CNTN4: variants seen among roughly 807,000 people sequenced by gnomAD.
CNTN4 encodes contactin-4.
In CNTN4, 77 loss-of-function variants were observed where a neutral mutation model predicts 122.5. That is an observed-to-expected ratio of 0.63 (90% confidence interval 0.52 to 0.76). The LOEUF is 0.76. Ranked by LOEUF, CNTN4 falls within the 30% of genes least tolerant of loss-of-function variation. CNTN4 has a pLI of 0.00. For missense variants in CNTN4, 1,256 were observed against 1,259.1 expected (o/e 1.00, Z 0.04); for synonymous variants, 512 against 447.0 (o/e 1.15, Z -1.83).
At chr3:2,699,716 A>T (rs1269768361) in intron 4 of CNTN4, among the ~76,000 whole-genome samples, 1 of 152,198 alleles carries the variant, frequency 6.6e-6, no homozygotes, top group East Asian at 1.9e-4. Context: ...CAATATGTGA[A>T]TTCAGTGGTT....
intron 2 of CNTN4, among the ~76,000 whole-genome samples, chr3:2,125,674 C>G (rs2034101166): frequency 6.6e-6 from 1 of 151,482 alleles, no homozygotes; most frequent in Admixed American, 6.6e-5. Context: ...TCTACTGCCT[C>G]AGCCTCCTGA....
Position 2,763,757 on chromosome 3 carries a change from G to T in CNTN4, c.358+18060G>T, listed in dbSNP as rs1027297713. 5.9e-5 allele frequency among the ~76,000 whole-genome samples: 9 copies of T among 152,218 alleles called. No homozygotes were observed. In the South Asian group the frequency reaches 8.3e-4, roughly 14 times the overall value. On this transcript the variant is annotated intron_variant, in intron 6 of 24. Transcript: ENST00000418658. ...ATAAGGAATCCTTTCCCCGTTGTTT[G>T]GTTTTGTCAGGTTTGTTGAAGGTGA...
At chr3:2,946,909 T>C (rs2094685102) in intron 13 of CNTN4, among the ~76,000 whole-genome samples, 1 of 152,078 alleles carries the variant, frequency 6.6e-6, no homozygotes, top group African/African-American at 2.4e-5. Flanking sequence ...TCTCCCTTTG[T>C]TGCCCAGGCT....
intron 2 of CNTN4, among the ~76,000 whole-genome samples, chr3:2,194,060 A>G (rs1428709418): frequency 6.6e-6 from 1 of 152,232 alleles, no homozygotes; most frequent in Non-Finnish European, 1.5e-5. Context: ...CTATGGGTAC[A>G]TAAAAAAATG....
intron 4 of CNTN4, among the ~76,000 whole-genome samples, chr3:2,672,976 C>T (rs2150393978): frequency 6.6e-6 from 1 of 152,244 alleles, no homozygotes; most frequent in South Asian, 2.1e-4. Flanking sequence ...TTGATAACTA[C>T]AATAATAGAT....
chr3:2,758,516 A>ATTTT (rs2090440906), intron 6 of CNTN4, among the ~76,000 whole-genome samples: 2 of 67,248 alleles, frequency 3.0e-5, no homozygotes, highest in Non-Finnish European at 4.0e-5. Context: ...TCAACACCAT[A>ATTTT]CTTTTTTTTT....
chr3:2,735,941 G>C, intron 4 of CNTN4: 2 of 565,062 alleles, frequency 3.5e-6, no homozygotes, highest in South Asian at 2.8e-5. Context: ...ACATAGAAGA[G>C]AGAAAGGGAG....
intron 2 of CNTN4, among the ~76,000 whole-genome samples, chr3:2,113,979 A>G (rs930241404): frequency 6.6e-6 from 1 of 152,232 alleles, no homozygotes; most frequent in African/African-American, 2.4e-5. Context: ...TTGCATATAC[A>G]TATGAAAAGG....
intron 13 of CNTN4, among the ~76,000 whole-genome samples, chr3:2,982,103 T>C (rs1694079884): frequency 6.6e-6 from 1 of 152,206 alleles, no homozygotes; most frequent in Non-Finnish European, 1.5e-5. Flanking sequence ...TTAGCCTTTA[T>C]ATGCAGAAAA....
At chr3:2,115,660 G>A (rs1000659318) in intron 2 of CNTN4, among the ~76,000 whole-genome samples, 11 of 152,094 alleles carry the variant, frequency 7.2e-5, no homozygotes, top group African/African-American at 2.7e-4. Flanking sequence ...GTAAACTTGG[G>A]GTATAAATCT....
rs1449703564 is a variant in CNTN4 at position 2,270,107 on chromosome 3, G to A, written c.-144-69071G>A. 3.3e-5 allele frequency among the ~76,000 whole-genome samples: 3 copies of A among 91,836 alleles called. 1 individual carries two copies. The highest frequency in any genetic ancestry group is 6.1e-4 in the East Asian group (2 of 3,286). The allele number at this position is 91,836 out of a possible 152,430, so 60.2% of individuals were successfully genotyped here. ...TGGGACTACAGGCGCCCGCCACCGC[G>A]CCCGGCTAATTTTTTGTATTTTTAG... On this transcript the variant is annotated intron_variant, in intron 2 of 24. Transcript: ENST00000418658.
chr3:2,111,212 C>T (rs996997528), intron 2 of CNTN4, among the ~76,000 whole-genome samples: 12 of 152,252 alleles, frequency 7.9e-5, no homozygotes, highest in East Asian at 1.9e-4. Context: ...TGCTTATATA[C>T]GCACTGTGAG....
chr3:2,250,864 T>G (rs2040349389), intron 2 of CNTN4, among the ~76,000 whole-genome samples: 1 of 151,844 alleles, frequency 6.6e-6, no homozygotes, highest in South Asian at 2.1e-4. Context: ...TAATTTAAAA[T>G]AGAGCCTTTT....
rs539330319 is a variant in CNTN4, at chr3:2,190,697, A to G, written c.-145+90058A>G. Among the ~76,000 whole-genome samples, 36 of 152,032 alleles carry G rather than the reference A, an allele frequency of 2.4e-4. No individual in the cohort carries two copies. The South Asian group carries it at 4.6e-3, about 19-fold the overall frequency. ...TTCATCCTAGCAGATCTCACCATCC[A>G]TCCTGAGCCTATTACATTTCTACAG... On this transcript the variant is annotated intron_variant, in intron 2 of 24. Coordinates refer to ENST00000418658, the MANE Select transcript of CNTN4 (RefSeq NM_175607.3).
At chr3:2,434,586 G>A (rs1005472621) in intron 3 of CNTN4, among the ~76,000 whole-genome samples, 2 of 152,138 alleles carry the variant, frequency 1.3e-5, no homozygotes, top group African/African-American at 2.4e-5. Context: ...TGTAATTTCC[G>A]GGGCTGGCAC....
At chr3:2,443,790 G>A (rs888195629) in intron 3 of CNTN4, among the ~76,000 whole-genome samples, 21 of 152,054 alleles carry the variant, frequency 1.4e-4, no homozygotes, top group Admixed American at 2.0e-4. Context: ...CTCCTCCTGG[G>A]GTGAAGTTCA....
At chr3:2,595,699 G>A (rs1458321824) in intron 4 of CNTN4, among the ~76,000 whole-genome samples, 1 of 152,144 alleles carries the variant, frequency 6.6e-6, no homozygotes, top group East Asian at 1.9e-4. Context: ...CCCTCCTACT[G>A]GGAGAAGGTA....
At chr3:2,711,562 A>G (rs558718259) in intron 4 of CNTN4, among the ~76,000 whole-genome samples, 1 of 152,290 alleles carries the variant, frequency 6.6e-6, no homozygotes, top group East Asian at 1.9e-4. Flanking sequence ...GACATTTAGG[A>G]TGATGGCAAG....
intron 6 of CNTN4, among the ~76,000 whole-genome samples, chr3:2,758,193 T>C (rs1359231195): frequency 6.6e-6 from 1 of 152,202 alleles, no homozygotes; most frequent in East Asian, 1.9e-4. Context: ...CTAAGCGCAA[T>C]GACTACTTTC....
Sources: allele counts gnomAD v4.1 joint callset (sites outside exome capture counted in the v4.1 genomes callset), GRCh38; gene constraint gnomAD v4.1.1; transcripts MANE v1.5; gene names NCBI Gene and HGNC (gene_info 2026-07-23, HGNC 2026-07-21).